Variants in CEP112 observed in about 807,000 individuals in gnomAD.
CEP112 encodes the protein centrosomal protein 112, also known as centrosomal protein of 112 kDa.
Under a neutral mutation model 153.0 loss-of-function variants are expected in CEP112, and 127 were observed. The observed-to-expected ratio is 0.83, with a 90% confidence interval of 0.72 to 0.96. The LOEUF (loss-of-function observed/expected upper bound fraction) is 0.96, where lower values mean the gene tolerates loss of function less well. CEP112 is among the 40% of genes least tolerant of loss of function. CEP112 has a pLI of 0.00. For synonymous variants in CEP112, 358 were observed against 374.4 expected, an observed-to-expected ratio of 0.96 and a Z score of 0.51; for missense variants, 1,089 against 1,101.2, an observed-to-expected ratio of 0.99 and a Z score of 0.16.
chr17:65,712,188 T>TA (rs1034752630), intron 23 of CEP112, among the ~76,000 whole-genome samples: 10 of 152,106 alleles, frequency 6.6e-5, no homozygotes, highest in African/African-American at 2.2e-4. Context: ...AATGGATAGG[T>TA]ACTTGAATGC....
intron 21 of CEP112, among the ~76,000 whole-genome samples, chr17:65,778,641 T>C (rs2053825830): frequency 6.6e-6 from 1 of 152,224 alleles, no homozygotes; most frequent in South Asian, 2.1e-4. Context: ...GAGATTTTTA[T>C]AGCTTTTAGA....
chr17:65,680,348 T>C (rs1439982133), intron 24 of CEP112, among the ~76,000 whole-genome samples: 1 of 152,132 alleles, frequency 6.6e-6, no homozygotes, highest in Non-Finnish European at 1.5e-5. Flanking sequence ...ACTTAGAATA[T>C]GTTTAGGAGG....
rs556653467 is a variant in CEP112, at chr17:66,035,623, T to C, written c.1219-5600A>G. The stretch of plus-strand genomic sequence containing the variant: ...TTACCCAAAAGAACTGAAGTCAGGA[T>C]CTCAAAGAAATATTTGTACTCCCAT... On this transcript the variant is annotated intron_variant, in intron 12 of 26. Transcript: ENST00000535342. 1.1e-4 allele frequency among the ~76,000 whole-genome samples: 17 copies of C among 152,232 alleles called. No homozygotes were observed. In the South Asian group the frequency reaches 3.5e-3, roughly 32 times the overall value.
At chr17:65,867,897 A>C (rs901459266) in intron 20 of CEP112, among the ~76,000 whole-genome samples, 2 of 150,656 alleles carry the variant, frequency 1.3e-5, no homozygotes, top group Non-Finnish European at 2.9e-5. Flanking sequence ...GTAAAGGGGG[A>C]ATGAAGTCAC....
At chr17:65,900,507 A>C (rs1304152836) in intron 20 of CEP112, among the ~76,000 whole-genome samples, 2 of 152,062 alleles carry the variant, frequency 1.3e-5, no homozygotes, top group Non-Finnish European at 2.9e-5. Context: ...GGCAGACACG[A>C]CTCATGCAAA....
chr17:65,702,624 T>C (rs1262407088), intron 23 of CEP112, among the ~76,000 whole-genome samples: 2 of 152,220 alleles, frequency 1.3e-5, no homozygotes, highest in African/African-American at 2.4e-5. Flanking sequence ...GCCTAATTTA[T>C]ATATTAAACT....
intron 8 of CEP112, among the ~76,000 whole-genome samples, chr17:66,073,750 T>A (rs2067383405): frequency 6.6e-6 from 1 of 152,164 alleles, no homozygotes; most frequent in Non-Finnish European, 1.5e-5. Context: ...TCTATGTATT[T>A]GCCTTAACAG....
At chr17:65,877,748 T>A (rs1036149504) in intron 20 of CEP112, among the ~76,000 whole-genome samples, 1 of 152,256 alleles carries the variant, frequency 6.6e-6, no homozygotes, top group Non-Finnish European at 1.5e-5. Context: ...TATGAATATA[T>A]CTAGTTATCC....
At chr17:65,787,620 CTTTAA>C (rs2054349896) in intron 21 of CEP112, among the ~76,000 whole-genome samples, 1 of 152,176 alleles carries the variant, frequency 6.6e-6, no homozygotes, top group African/African-American at 2.4e-5. Context: ...TTTAGGTCTT[CTTTAA>C]TTTCTTTTAA....
intron 8 of CEP112, among the ~76,000 whole-genome samples, chr17:66,091,034 A>G (rs1399423982): frequency 6.6e-6 from 1 of 152,112 alleles, no homozygotes; most frequent in Non-Finnish European, 1.5e-5. Context: ...AAATATATAA[A>G]GCAAATATTC....
intron 24 of CEP112, among the ~76,000 whole-genome samples, chr17:65,662,841 A>AAC (rs2046461997): frequency 6.6e-6 from 1 of 152,326 alleles, no homozygotes; most frequent in African/African-American, 2.4e-5. Context: ...TATAAGTGAA[A>AAC]ACAAACAGAA....
At chr17:65,707,563 C>A (rs1485374154) in intron 23 of CEP112, among the ~76,000 whole-genome samples, 1 of 152,204 alleles carries the variant, frequency 6.6e-6, no homozygotes, top group Non-Finnish European at 1.5e-5. Context: ...GCCTCTCAGG[C>A]TTCTCCTTGT....
At chr17:66,056,232 C>T (rs2066681514) in intron 11 of CEP112, among the ~76,000 whole-genome samples, 2 of 152,108 alleles carry the variant, frequency 1.3e-5, no homozygotes. Flanking sequence ...TGGCTCATGC[C>T]AGAGGAGACC....
At chr17:66,048,100 GTT>G (rs5821549) in intron 12 of CEP112, among the ~76,000 whole-genome samples, 4 of 148,388 alleles carry the variant, frequency 2.7e-5, no homozygotes, top group East Asian at 2.0e-4. Flanking sequence ...TATCATTTTT[GTT>G]TTTTTTTTTA....
intron 24 of CEP112, among the ~76,000 whole-genome samples, chr17:65,687,785 C>G (rs181916429): frequency 2.0e-5 from 3 of 152,260 alleles, no homozygotes; most frequent in Admixed American, 1.3e-4. Context: ...AAAAGAAAAC[C>G]TTCCCTATCA....
intron 10 of CEP112, among the ~76,000 whole-genome samples, chr17:66,064,912 G>A (rs550646210): frequency 6.6e-6 from 1 of 152,248 alleles, no homozygotes; most frequent in East Asian, 1.9e-4. Context: ...TTTAAGGGTG[G>A]AAATGAACCT....
intron 19 of CEP112, among the ~76,000 whole-genome samples, chr17:65,927,008 T>C (rs1346657422): frequency 1.3e-5 from 2 of 152,116 alleles, no homozygotes; most frequent in African/African-American, 4.8e-5. Context: ...GTGTTGGAGG[T>C]GCGGCCTTGT....
intron 23 of CEP112, among the ~76,000 whole-genome samples, chr17:65,720,719 A>G (rs1408395786): frequency 1.3e-5 from 2 of 152,240 alleles, no homozygotes; most frequent in Non-Finnish European, 2.9e-5. Context: ...CTCAACACTT[A>G]TTGAATAGGG....
At chr17:65,976,980 C>T (rs1042753408) in intron 17 of CEP112, among the ~76,000 whole-genome samples, 8 of 152,100 alleles carry the variant, frequency 5.3e-5, no homozygotes, top group African/African-American at 1.9e-4. Context: ...TCAGGTGATC[C>T]GCCCGCCTAG....
Sources: allele counts gnomAD v4.1 joint callset (sites outside exome capture counted in the v4.1 genomes callset), GRCh38; gene constraint gnomAD v4.1.1; transcripts MANE v1.5; gene names NCBI Gene and HGNC (gene_info 2026-07-23, HGNC 2026-07-21).